CSMD1: variants seen among roughly 807,000 people sequenced by gnomAD.
CSMD1 encodes CUB and Sushi multiple domains 1.
CSMD1 carries 213 observed loss-of-function variants against 417.5 expected under a neutral mutation model. The ratio of observed to expected loss-of-function variants is 0.51; its 90% CI spans 0.46 to 0.57. The LOEUF is 0.57. Among genes scored for constraint, CSMD1 ranks in the 20% least tolerant of loss-of-function variants. CSMD1 has a pLI of 0.00. For synonymous variants in CSMD1, 2,862 were observed against 1,736.8 expected (o/e 1.65, Z -16.11); for missense variants, 6,923 against 4,529.7 (o/e 1.53, Z -15.17).
chr8:4,386,309 C>G (rs1388963666), intron 3 of CSMD1, among the ~76,000 whole-genome samples: 2 of 152,126 alleles, frequency 1.3e-5, no homozygotes, highest in East Asian at 3.9e-4. Context: ...AACACACTAT[C>G]AGACATTCTC....
chr8:4,471,564 A>T (rs1320258730), intron 2 of CSMD1, among the ~76,000 whole-genome samples: 1 of 152,136 alleles, frequency 6.6e-6, no homozygotes, highest in Non-Finnish European at 1.5e-5. Flanking sequence ...GTGTTTAATA[A>T]CGAAGGCCCG....
chr8:3,547,984 GA>G (rs200662859), intron 10 of CSMD1, among the ~76,000 whole-genome samples: 1,890 of 152,014 alleles, frequency 0.012, 18 homozygotes, highest in East Asian at 0.058. Flanking sequence ...ATATGGTAAA[GA>G]AAAAAATAAC....
At chr8:4,102,332 T>C (rs915729773) in intron 3 of CSMD1, among the ~76,000 whole-genome samples, 1 of 152,208 alleles carries the variant, frequency 6.6e-6, no homozygotes, top group African/African-American at 2.4e-5. Context: ...TAAACAAATA[T>C]GTAGAATTTT....
At chr8:3,350,103 A>C (rs1288915634) in intron 21 of CSMD1, among the ~76,000 whole-genome samples, 2 of 130,008 alleles carry the variant, frequency 1.5e-5, no homozygotes, top group African/African-American at 5.9e-5. Flanking sequence ...ACCTATAATA[A>C]CTTGTGTATG....
intron 2 of CSMD1, among the ~76,000 whole-genome samples, chr8:4,520,446 T>C (rs1803380593): frequency 6.6e-6 from 1 of 152,162 alleles, no homozygotes; most frequent in Admixed American, 6.5e-5. Flanking sequence ...TTGTAGTGGA[T>C]AGGAAATTTG....
intron 5 of CSMD1, among the ~76,000 whole-genome samples, chr8:3,856,144 C>A (rs115706068): frequency 0.02 from 2,996 of 152,040 alleles, 39 homozygotes; most frequent in Middle Eastern, 0.055. Context: ...TGGGAGGTGA[C>A]TGGATTGTGG....
Position 3,359,264 on chromosome 8 carries a change from T to C in CSMD1, c.3192A>G (p.Gly1064=). The C allele has an allele frequency of 1.2e-6, 2 of 1,613,790 alleles. No homozygotes were observed. The highest frequency in any genetic ancestry group is 1.7e-6 in the Non-Finnish European group (2 of 1,179,816). The change falls in exon 21 of 70, where the codon GGA becomes GGG. Residue 1064 remains glycine, a synonymous_variant. Coordinates refer to ENST00000635120, the MANE Select transcript of CSMD1 (RefSeq NM_033225.6). ...SRRIGFHFGV[G]DSLTFSCFLG... ...GGAAGCAGGAAAACGTCAGAGAGTC[T>C]CCCACACCAAAGTGAAAACCAATTC... is the stretch of plus-strand genomic sequence containing the variant.
rs114125013 is a variant in CSMD1, at chr8:3,310,923, G to A, written c.3632-2420C>T. 2.2e-3 allele frequency among the ~76,000 whole-genome samples: 335 copies of A among 152,288 alleles called. 1 individual carries two copies. Among genetic ancestry groups the A allele is most frequent in the African/African-American group, 7.8e-3 (322 of 41,544 alleles). ...TTTAAAAAGAGGTGGAATATTGCAC[G>A]TAATGCTTCTAAACTGAGCTTTGAA... is the stretch of plus-strand genomic sequence containing the variant. On this transcript the variant is annotated intron_variant, in intron 23 of 69. Coordinates refer to ENST00000635120, the MANE Select transcript of CSMD1 (RefSeq NM_033225.6).
intron 2 of CSMD1, among the ~76,000 whole-genome samples, chr8:4,633,082 G>A (rs1232351038): frequency 1.3e-5 from 2 of 152,172 alleles, no homozygotes; most frequent in Admixed American, 6.5e-5. Flanking sequence ...CAGCAGATGT[G>A]TCAGTGTTCC....
In CSMD1 at chr8:4,141,953, G is replaced by A. The variant is rs1005585546; in HGVS notation, c.416-109854C>T. ...ATGCTATCCAAAATAACATCATGGT[G>A]TTAATTTGTTTATAAATTATGACAT... On this transcript the variant is annotated intron_variant, in intron 3 of 69. Coordinates refer to ENST00000635120, the MANE Select transcript of CSMD1 (RefSeq NM_033225.6). Among the ~76,000 whole-genome samples, 10 of 150,830 alleles carry A rather than the reference G, an allele frequency of 6.6e-5. 1 individual carries two copies. The highest frequency in any genetic ancestry group is 2.5e-4 in the African/African-American group (10 of 40,264).
chr8:4,429,301 T>G (rs1154055), intron 2 of CSMD1, among the ~76,000 whole-genome samples: 141,384 of 152,040 alleles, frequency 0.93, 65,930 homozygotes, highest in East Asian at 1. Flanking sequence ...TCATCAATTT[T>G]GCTTCACTGC....
chr8:3,682,389 A>G (rs575947669), intron 7 of CSMD1, among the ~76,000 whole-genome samples: 1 of 152,338 alleles, frequency 6.6e-6, no homozygotes, highest in East Asian at 1.9e-4. Context: ...AAGGACATGA[A>G]CAGACACTTC....
chr8:4,059,545 G>A (rs1463507510), intron 3 of CSMD1, among the ~76,000 whole-genome samples: 1 of 151,932 alleles, frequency 6.6e-6, no homozygotes, highest in Non-Finnish European at 1.5e-5. Flanking sequence ...TAGACTGCTA[G>A]CAAGACTAAT....
In CSMD1 at chr8:3,347,389, G is replaced by A. The variant is rs142755156; in HGVS notation, c.3474+603C>T. Among the ~76,000 whole-genome samples, 1,321 of 152,250 alleles carry A rather than the reference G, an allele frequency of 8.7e-3. 68 individuals carry two copies. Among genetic ancestry groups the A allele is most frequent in the Admixed American group, 0.073 (1,116 of 15,294 alleles). The stretch of plus-strand genomic sequence containing the variant: ...TGGAGCTGGGATTTTGTCAATCAAC[G>A]CAGGACCTGGGTACCCCTGCCATCA... On this transcript the variant is annotated intron_variant, in intron 22 of 69. Transcript: ENST00000635120.
chr8:4,415,419 T>G (rs1368288047), intron 3 of CSMD1, among the ~76,000 whole-genome samples: 1 of 152,108 alleles, frequency 6.6e-6, no homozygotes, highest in Non-Finnish European at 1.5e-5. Flanking sequence ...AAGTAGGCAT[T>G]TAGCGCACGT....
chr8:3,193,690 G>A (rs1796548747), intron 33 of CSMD1, among the ~76,000 whole-genome samples: 1 of 152,148 alleles, frequency 6.6e-6, no homozygotes, highest in African/African-American at 2.4e-5. Flanking sequence ...TGGAATAGAG[G>A]GTGATCAACA....
intron 3 of CSMD1, among the ~76,000 whole-genome samples, chr8:4,337,530 T>G (rs556585570): frequency 2.0e-5 from 3 of 152,264 alleles, no homozygotes; most frequent in African/African-American, 7.2e-5. Flanking sequence ...ATCGTAACAT[T>G]ATTTTTAAAA....
chr8:3,411,782 C>G (rs377737288), intron 12 of CSMD1, among the ~76,000 whole-genome samples: 3 of 102,754 alleles, frequency 2.9e-5, no homozygotes, highest in African/African-American at 7.9e-5. Flanking sequence ...GTGTATATAC[C>G]TGTATATATA....
chr8:4,342,769 A>C (rs1389576853), intron 3 of CSMD1, among the ~76,000 whole-genome samples: 1 of 152,072 alleles, frequency 6.6e-6, no homozygotes, highest in African/African-American at 2.4e-5. Context: ...AAAAAGAAAA[A>C]TAATACAAGC....
Sources: gnomAD v4.1 joint callset for allele counts (sites outside exome capture counted in the v4.1 genomes callset) on GRCh38, gnomAD v4.1.1 for gene constraint, MANE v1.5 for transcripts, NCBI Gene and HGNC (gene_info 2026-07-23, HGNC 2026-07-21) for gene names.